FOXN3: variants seen among roughly 807,000 people sequenced by gnomAD.
FOXN3 encodes the protein forkhead box protein N3.
Under a neutral mutation model 38.4 loss-of-function variants are expected in FOXN3, and 7 were observed. That is an observed-to-expected ratio of 0.18 (90% CI 0.10 to 0.34). The LOEUF is 0.34. Ranked by LOEUF, FOXN3 falls within the 10% of genes least tolerant of loss-of-function variation. FOXN3 has a pLI of 1.00. For missense variants in FOXN3, 456 were observed against 613.4 expected (o/e 0.74, Z 2.71); for synonymous variants, 230 against 242.2 (o/e 0.95, Z 0.47).
At chr14:89,598,322 A>G (rs528757615) in intron 1 of FOXN3, among the ~76,000 whole-genome samples, 1 of 152,182 alleles carries the variant, frequency 6.6e-6, no homozygotes, top group Admixed American at 6.5e-5. Context: ...TCTTATTTCT[A>G]TTGCTCTTCA....
rs376908273 is a variant in FOXN3, at chr14:89,615,805, A to G, written c.-15+3223T>C. 5.7e-4 allele frequency among the ~76,000 whole-genome samples: 87 copies of G among 152,350 alleles called. No homozygotes were observed. The East Asian group carries it at 0.011, about 19-fold the overall frequency. The stretch of plus-strand genomic sequence containing the variant: ...CATAATCCCATGTTGTCAAATATTT[A>G]ACTTCTACAGTATATATTTCTACGA... On this transcript the variant is annotated intron_variant, in intron 1 of 6. Coordinates refer to the FOXN3 transcript ENST00000345097.
At chr14:89,494,213 A>G (rs1893635765) in intron 1 of FOXN3, 1 of 152,236 alleles carries the variant, frequency 6.6e-6, no homozygotes, top group Non-Finnish European at 1.5e-5. Flanking sequence ...CACTGTAGAT[A>G]GTCTGAAACA....
At chr14:89,494,672 C>G (rs531033510) in intron 1 of FOXN3, among the ~76,000 whole-genome samples, 1 of 152,330 alleles carries the variant, frequency 6.6e-6, no homozygotes, top group Middle Eastern at 3.4e-3. Context: ...CAGAGGGAGG[C>G]CTTGCAAACT....
chr14:89,292,776 G>A (rs539254153), intron 3 of FOXN3, among the ~76,000 whole-genome samples: 41 of 152,146 alleles, frequency 2.7e-4, no homozygotes, highest in Non-Finnish European at 5.3e-4. Flanking sequence ...GTTTGTGACA[G>A]CAGCACAAAC....
At chr14:89,356,722 T>C (rs1313202983) in intron 2 of FOXN3, among the ~76,000 whole-genome samples, 1 of 152,132 alleles carries the variant, frequency 6.6e-6, no homozygotes, top group African/African-American at 2.4e-5. Context: ...ATTCCTGTGG[T>C]GCCTACTACA....
chr14:89,219,588 G>C (rs936221770), intron 4 of FOXN3, among the ~76,000 whole-genome samples: 10 of 152,158 alleles, frequency 6.6e-5, no homozygotes, highest in African/African-American at 1.4e-4. Context: ...TCAAACATCT[G>C]GCGAGTGGAT....
In FOXN3 at chr14:89,157,230, T is replaced by C. The variant is rs887797717; in HGVS notation, c.*5184A>G. 12 of 152,642 alleles carry C rather than the reference T, an allele frequency of 7.9e-5. No homozygotes were observed. Among genetic ancestry groups the C allele is most frequent in the African/African-American group, 2.7e-4 (11 of 41,476 alleles). The allele number at this position is 152,642 out of a possible 1,614,324, so 9.5% of individuals were successfully genotyped here. A position where few individuals can be genotyped will look rare whatever the true frequency, so the allele number is the denominator to read the frequency against. On this transcript the variant is annotated 3_prime_UTR_variant, in exon 6 of 6. Coordinates refer to ENST00000557258, the MANE Select transcript of FOXN3 (RefSeq NM_005197.4). Reference sequence around the variant, plus strand: ...AGTACAACAGCAAGGTGCAGCACCATAGACACATCGGTTTCGGCTGTTAAA... The same window carrying C: ...AGTACAACAGCAAGGTGCAGCACCACAGACACATCGGTTTCGGCTGTTAAA...
At chr14:89,450,163 C>T (rs941791653) in intron 1 of FOXN3, among the ~76,000 whole-genome samples, 2 of 152,200 alleles carry the variant, frequency 1.3e-5, no homozygotes, top group Admixed American at 6.5e-5. Flanking sequence ...CAGCTCTTGA[C>T]ACTCTCTGCT....
At chr14:89,418,046 G>A (rs150845469), upstream of FOXN3, among the ~76,000 whole-genome samples, 526 of 152,320 alleles carry the variant, frequency 3.5e-3, 2 homozygotes, top group African/African-American at 0.012. Flanking sequence ...TAAGTCTCTA[G>A]GCACCTCCAA....
In FOXN3 at chr14:89,179,595, A is replaced by AT. The variant is rs528065650; in HGVS notation, c.851+1105dup. On this transcript the variant is annotated intron_variant, in intron 5 of 5. Transcript: ENST00000557258. ...ATAGTGATGCGGCATCAGACAACTG[A>AT]TTGAGAGCTAGCCCTCATCCTCAGG... 5.9e-5 allele frequency among the ~76,000 whole-genome samples: 9 copies of AT among 152,322 alleles called. No individual in the cohort carries two copies. In the East Asian group the frequency reaches 1.7e-3, roughly 29 times the overall value.
chr14:89,408,556 G>C (rs1476078539), intron 2 of FOXN3, among the ~76,000 whole-genome samples: 2 of 149,550 alleles, frequency 1.3e-5, no homozygotes, highest in African/African-American at 4.9e-5. Flanking sequence ...GCCCGGCTGG[G>C]AATTGTTTTT....
At chr14:89,316,538 T>A (rs76298853) in intron 3 of FOXN3, among the ~76,000 whole-genome samples, 1 of 120,066 alleles carries the variant, frequency 8.3e-6, no homozygotes, top group African/African-American at 3.1e-5. Context: ...TTTTTTTTTT[T>A]AATATAGAGA....
At chr14:89,173,149 T>C (rs1566920802) in intron 5 of FOXN3, among the ~76,000 whole-genome samples, 2 of 152,058 alleles carry the variant, frequency 1.3e-5, no homozygotes, top group Non-Finnish European at 2.9e-5. Flanking sequence ...ATGAGCAAAA[T>C]GCTAAACAGG....
At chr14:89,241,869 T>A (rs1289231799) in intron 4 of FOXN3, among the ~76,000 whole-genome samples, 1 of 152,224 alleles carries the variant, frequency 6.6e-6, no homozygotes, top group East Asian at 1.9e-4. Context: ...CCACTCGCAA[T>A]GGGGGGCCTC....
At chr14:89,458,967 G>T (rs1318964870) in intron 1 of FOXN3, among the ~76,000 whole-genome samples, 1 of 152,174 alleles carries the variant, frequency 6.6e-6, no homozygotes. Context: ...TCTCCAAACA[G>T]ACTAGAAAAA....
rs1031775316 is a variant in FOXN3 at position 89,498,167 on chromosome 14, G to A, written c.-14-85677C>T. On this transcript the variant is annotated intron_variant, in intron 1 of 6. Transcript: ENST00000345097. ...CCCTTATCAAATATACGATTTGCAA[G>A]TATATTCTCCTATTCTCTCTGGCTG... is the stretch of plus-strand genomic sequence containing the variant. 2.8e-5 allele frequency among the ~76,000 whole-genome samples: 4 copies of A among 143,762 alleles called. No individual in the cohort carries two copies. The East Asian group carries it at 6.2e-4, about 22-fold the overall frequency. The allele number at this position is 143,762 out of a possible 152,430, so 94.3% of individuals were successfully genotyped here.
In FOXN3 at chr14:89,566,463, A is replaced by G. The variant is rs186290041; in HGVS notation, c.-15+52565T>C. ...AATTTTTTTAAAAAAAAATGCAGCA[A>G]GTGCTTAGCTTTTAAAATCACAAGA... On this transcript the variant is annotated intron_variant, in intron 1 of 6. Transcript: ENST00000345097. Among the ~76,000 whole-genome samples the G allele has an allele frequency of 7.9e-5, 12 of 152,350 alleles. No individual in the cohort carries two copies. The East Asian group carries it at 2.1e-3, about 27-fold the overall frequency.
intron 1 of FOXN3, among the ~76,000 whole-genome samples, chr14:89,600,196 T>C (rs1896130233): frequency 6.6e-6 from 1 of 152,238 alleles, no homozygotes. Context: ...TAGGTGACCA[T>C]AATTTATCAA....
At chr14:89,203,860 C>T (rs892855822) in intron 4 of FOXN3, among the ~76,000 whole-genome samples, 7 of 152,110 alleles carry the variant, frequency 4.6e-5, no homozygotes, top group African/African-American at 1.7e-4. Flanking sequence ...AACGAGCCAA[C>T]AGAGCAGGGA....
Sources: allele counts gnomAD v4.1 joint callset (sites outside exome capture counted in the v4.1 genomes callset), GRCh38; gene constraint gnomAD v4.1.1; transcripts MANE v1.5; gene names NCBI Gene and HGNC (gene_info 2026-07-23, HGNC 2026-07-21).